Variants in TC2N observed in about 807,000 individuals in gnomAD.
TC2N encodes the protein tandem C2 domains, nuclear.
A neutral mutation model predicts 61.9 loss-of-function variants in TC2N; 51 were observed. The ratio of observed to expected loss-of-function variants is 0.82; its 90% CI spans 0.66 to 1.04. TC2N has a LOEUF of 1.04. Among genes scored for constraint, TC2N ranks in the 50% least tolerant of loss-of-function variants. TC2N has a pLI of 0.00. For synonymous variants in TC2N, 204 were observed against 192.6 expected (o/e 1.06, Z -0.49); for missense variants, 556 against 566.7 (o/e 0.98, Z 0.19).
intron 8 of TC2N, among the ~76,000 whole-genome samples, chr14:91,793,073 C>T (rs1885735265): frequency 6.6e-6 from 1 of 152,150 alleles, no homozygotes; most frequent in Admixed American, 6.5e-5. Flanking sequence ...ATTTATTCCA[C>T]CCTTTCCGAT....
chr14:91,863,141 T>C (rs1461676208), intron 1 of TC2N, among the ~76,000 whole-genome samples: 1 of 152,248 alleles, frequency 6.6e-6, no homozygotes, highest in Non-Finnish European at 1.5e-5. Flanking sequence ...CATGAGATCT[T>C]TTTAAATGTG....
intron 1 of TC2N, among the ~76,000 whole-genome samples, chr14:91,859,168 C>T (rs377194460): frequency 4.6e-5 from 7 of 152,310 alleles, no homozygotes; most frequent in Admixed American, 2.0e-4. Context: ...CTTTCATACA[C>T]ACTGCTGGCC....
At chr14:91,833,727 G>C (rs1191275482) in intron 1 of TC2N, among the ~76,000 whole-genome samples, 1 of 152,136 alleles carries the variant, frequency 6.6e-6, no homozygotes, top group Admixed American at 6.5e-5. Context: ...TTATGCATAT[G>C]TTTTACTTTC....
At chr14:91,860,629 T>TAC (rs1888571842) in intron 1 of TC2N, among the ~76,000 whole-genome samples, 1 of 152,158 alleles carries the variant, frequency 6.6e-6, no homozygotes, top group Non-Finnish European at 1.5e-5. Flanking sequence ...CTTCCTGACA[T>TAC]ACACACACAC....
At chr14:91,846,675 C>T (rs1354964055) in intron 1 of TC2N, among the ~76,000 whole-genome samples, 1 of 152,190 alleles carries the variant, frequency 6.6e-6, no homozygotes, top group Non-Finnish European at 1.5e-5. Flanking sequence ...AAATAAATGA[C>T]TCTTCTGCTA....
At chr14:91,814,836 G>A (rs1022161461) in intron 1 of TC2N, among the ~76,000 whole-genome samples, 10 of 151,714 alleles carry the variant, frequency 6.6e-5, no homozygotes, top group African/African-American at 2.4e-4. Flanking sequence ...GAGATGCTAA[G>A]GCTGGATGTT....
intron 8 of TC2N, among the ~76,000 whole-genome samples, chr14:91,797,449 T>G (rs917154699): frequency 6.6e-6 from 1 of 151,912 alleles, no homozygotes; most frequent in Non-Finnish European, 1.5e-5. Flanking sequence ...TTCATTGCAA[T>G]CATGAATTTA....
intron 3 of TC2N, among the ~76,000 whole-genome samples, chr14:91,810,419 G>C (rs1270331498): frequency 1.3e-5 from 2 of 152,138 alleles, no homozygotes; most frequent in African/African-American, 4.8e-5. Flanking sequence ...GGGAGAAAGG[G>C]AGGAAAGAAG....
intron 9 of TC2N, among the ~76,000 whole-genome samples, chr14:91,788,142 C>A (rs1422891907): frequency 6.6e-6 from 1 of 151,912 alleles, no homozygotes; most frequent in Non-Finnish European, 1.5e-5. Context: ...TGAATGGAAG[C>A]AAGCTAAAGA....
intron 8 of TC2N, among the ~76,000 whole-genome samples, chr14:91,794,715 C>T (rs915377237): frequency 3.3e-5 from 5 of 152,054 alleles, no homozygotes; most frequent in African/African-American, 1.2e-4. Flanking sequence ...CTTCGTCACC[C>T]AAGAGCCCTG....
chr14:91,785,156 ACTAAC>A lies in TC2N; in HGVS notation c.1362+1_1362+5del, dbSNP rs1330796816. On this transcript the variant is annotated splice_donor_variant and splice_donor_5th_base_variant and intron_variant, in intron 11 of 11. Coordinates refer to ENST00000435962, the MANE Select transcript of TC2N (RefSeq NM_001128596.3). LOFTEE classifies it high-confidence loss of function. ...AATATAAGGAAGGATAAAAACTCCTACTAACCTGGCCCACAAAGTGTTTTCTTCTT... is the reference window on the plus strand; with the variant it reads ...AATATAAGGAAGGATAAAAACTCCTACTGGCCCACAAAGTGTTTTCTTCTT... 1 of 1,604,266 alleles carries A rather than the reference ACTAAC, an allele frequency of 6.2e-7. No individual in the cohort carries two copies. Among genetic ancestry groups the A allele is most frequent in the East Asian group, 2.2e-5 (1 of 44,788 alleles).
intron 7 of TC2N, 53 bp downstream of exon 7, chr14:91,798,246 T>C (rs1338359608): frequency 1.0e-6 from 1 of 954,780 alleles, no homozygotes; most frequent in Non-Finnish European, 1.6e-6. Context: ...GTGTTTACAA[T>C]GTCTAAATAT....
intron 8 of TC2N, among the ~76,000 whole-genome samples, chr14:91,797,420 T>C (rs996161065): frequency 3.3e-5 from 5 of 151,922 alleles, no homozygotes; most frequent in African/African-American, 1.2e-4. Flanking sequence ...TTATACTAAT[T>C]GGAAATATTT....
Position 91,792,544 on chromosome 14 carries a change from C to T in TC2N, c.870G>A (p.Met290Ile). The change falls in exon 9 of 12, where the codon ATG (methionine) becomes ATA (isoleucine). Residue 290 changes from methionine to isoleucine, a missense_variant. Physicochemically the swap from Met to Ile is conservative, Grantham distance 10. Transcript: ENST00000435962. ...AKEGSNAIEF[M>I]ETFVFAIKLQ... ...GTTTAATAGCAAATACAAACGTTTC[C>T]ATAAATTCAATAGCCTTAAAAAAAA... 1 of 1,530,474 alleles carries T rather than the reference C, an allele frequency of 6.5e-7. No individual in the cohort carries two copies. The highest frequency in any genetic ancestry group is 8.9e-7 in the Non-Finnish European group (1 of 1,127,340). 94.8% of individuals were successfully genotyped at this position (1,530,474 alleles called of 1,614,324 possible).
chr14:91,795,819 GTC>G (rs1885868983), intron 8 of TC2N, among the ~76,000 whole-genome samples: 1 of 152,006 alleles, frequency 6.6e-6, no homozygotes, highest in Non-Finnish European at 1.5e-5. Context: ...GCTTATGTCT[GTC>G]TGTACAGCCA....
intron 1 of TC2N, among the ~76,000 whole-genome samples, chr14:91,855,895 T>G (rs1888474177): frequency 6.6e-6 from 1 of 152,138 alleles, no homozygotes; most frequent in Non-Finnish European, 1.5e-5. Context: ...CCACTTCCTA[T>G]GGGAGTTTTT....
At chr14:91,789,527 A>C (rs1011296343) in intron 9 of TC2N, among the ~76,000 whole-genome samples, 1 of 151,360 alleles carries the variant, frequency 6.6e-6, no homozygotes, top group African/African-American at 2.4e-5. Flanking sequence ...AGGAGAATGG[A>C]GTGAACCCAG....
intron 1 of TC2N, among the ~76,000 whole-genome samples, chr14:91,843,296 A>G (rs1449328283): frequency 1.3e-5 from 2 of 152,046 alleles, no homozygotes; most frequent in Non-Finnish European, 2.9e-5. Flanking sequence ...TCCTCCCACC[A>G]TGATTTTCTG....
At chr14:91,838,908 C>G (rs1278390537) in intron 1 of TC2N, among the ~76,000 whole-genome samples, 1 of 152,182 alleles carries the variant, frequency 6.6e-6, no homozygotes, top group Non-Finnish European at 1.5e-5. Flanking sequence ...TTTCTTTGTG[C>G]TCTTATTTCT....
Sources: gnomAD v4.1 joint callset for allele counts (sites outside exome capture counted in the v4.1 genomes callset) on GRCh38, gnomAD v4.1.1 for gene constraint, MANE v1.5 for transcripts, NCBI Gene and HGNC (gene_info 2026-07-23, HGNC 2026-07-21) for gene names.